GTF2A2: variants seen among roughly 807,000 people sequenced by gnomAD.
GTF2A2 encodes general transcription factor IIA subunit 2, also known as transcription initiation factor IIA subunit 2.
GTF2A2 carries 9 observed loss-of-function variants against 14.3 expected under a neutral mutation model. The ratio of observed to expected loss-of-function variants is 0.63; its 90% CI spans 0.38 to 1.10. The LOEUF is 1.10. GTF2A2 is among the 50% of genes least tolerant of loss of function. The pLI, the probability that GTF2A2 is intolerant of heterozygous loss-of-function variation, is 0.01. For missense variants in GTF2A2, 90 were observed against 124.6 expected (o/e 0.72, Z 1.32); for synonymous variants, 56 against 46.0 (o/e 1.22, Z -0.88).
At chr15:59,646,106 G>A (rs1371942325) in intron 3 of GTF2A2, among the ~76,000 whole-genome samples, 1 of 151,924 alleles carries the variant, frequency 6.6e-6, no homozygotes, top group Admixed American at 6.5e-5. Flanking sequence ...GCCCAGGATG[G>A]AGCACAGTGG....
chr15:59,653,728 T>G (rs778111196), intron 1 of GTF2A2, among the ~76,000 whole-genome samples: 5 of 152,158 alleles, frequency 3.3e-5, no homozygotes, highest in Non-Finnish European at 5.9e-5. Context: ...TATATAAAAC[T>G]GCCTGCTTGA....
chr15:59,655,189 G>A (rs1004570533), intron 1 of GTF2A2, among the ~76,000 whole-genome samples: 10 of 152,006 alleles, frequency 6.6e-5, no homozygotes, highest in African/African-American at 2.4e-4. Context: ...AAACACATAG[G>A]TGGCTACTTC....
chr15:59,656,163 C>T (rs1033679861), intron 1 of GTF2A2, among the ~76,000 whole-genome samples: 1 of 152,162 alleles, frequency 6.6e-6, no homozygotes, highest in East Asian at 1.9e-4. Context: ...TCTTGTCCCT[C>T]CACCCCCAAA....
intron 3 of GTF2A2, among the ~76,000 whole-genome samples, chr15:59,649,443 T>A (rs1254649372): frequency 6.6e-6 from 1 of 152,238 alleles, no homozygotes; most frequent in East Asian, 1.9e-4. Context: ...TTAGGCCTTG[T>A]GAACTATCTT....
intron 4 of GTF2A2, among the ~76,000 whole-genome samples, chr15:59,640,391 C>T (rs969600743): frequency 2.6e-5 from 4 of 152,156 alleles, no homozygotes; most frequent in Non-Finnish European, 5.9e-5. Flanking sequence ...TACTGATTTT[C>T]TGGTTCTCAG....
rs149240959 is a variant in GTF2A2, at chr15:59,650,237, C to T, written c.177+432G>A. 3.1e-3 allele frequency among the ~76,000 whole-genome samples: 476 copies of T among 152,268 alleles called. 3 individuals carry two copies. Among genetic ancestry groups the T allele is most frequent in the Non-Finnish European group, 5.3e-3 (360 of 68,020 alleles). On this transcript the variant is annotated intron_variant, in intron 3 of 4. Coordinates refer to ENST00000396060, the MANE Select transcript of GTF2A2 (RefSeq NM_004492.3). ...GATCAGGTTTTTATCAGCCAAGTTA[C>T]CTAAGAGTCGGAGGGAGGCAACATG...
chr15:59,642,291 T>A, intron 3 of GTF2A2, 29 bp from the exon 4 acceptor site: 2 of 1,557,102 alleles, frequency 1.3e-6, no homozygotes, highest in Non-Finnish European at 1.7e-6. Flanking sequence ...AGAAATACCG[T>A]GAAACGTTTT....
At chr15:59,645,082 A>T (rs1461329701) in intron 3 of GTF2A2, among the ~76,000 whole-genome samples, 1 of 152,182 alleles carries the variant, frequency 6.6e-6, no homozygotes, top group African/African-American at 2.4e-5. Context: ...GACCGGTAGG[A>T]ATGGACAACT....
At chr15:59,639,588 G>A (rs749972645) in intron 4 of GTF2A2, among the ~76,000 whole-genome samples, 13 of 150,348 alleles carry the variant, frequency 8.6e-5, no homozygotes, top group African/African-American at 1.2e-4. Context: ...TCAGCCTCCC[G>A]AGTAGCTGGG....
intron 1 of GTF2A2, chr15:59,656,926 G>C (rs141214352): frequency 6.6e-6 from 1 of 152,106 alleles, no homozygotes; most frequent in Non-Finnish European, 1.5e-5. Flanking sequence ...AGTCAAATTC[G>C]GAAGTAACTC....
At chr15:59,642,398 TC>T in intron 3 of GTF2A2, 136 bp from the exon 4 acceptor site, 1 of 676,982 alleles carries the variant, frequency 1.5e-6, no homozygotes, top group South Asian at 4.9e-5. Context: ...TTAACTTTAA[TC>T]CTAGCTATTA....
At chr15:59,652,119 C>A in intron 2 of GTF2A2, 87 bp downstream of exon 2, 2 of 757,140 alleles carry the variant, frequency 2.6e-6, no homozygotes, top group African/African-American at 1.8e-5. Flanking sequence ...GATATTTTAC[C>A]TCATATCTCT....
intron 3 of GTF2A2, among the ~76,000 whole-genome samples, chr15:59,643,632 C>T (rs1891508237): frequency 7.2e-6 from 1 of 138,088 alleles, no homozygotes; most frequent in Non-Finnish European, 1.5e-5. Flanking sequence ...GAGTCTCACT[C>T]TGTGGCCCAG....
intron 3 of GTF2A2, among the ~76,000 whole-genome samples, chr15:59,643,851 G>C (rs1200348285): frequency 6.6e-6 from 1 of 151,710 alleles, no homozygotes; most frequent in Non-Finnish European, 1.5e-5. Context: ...GCCCACCTTG[G>C]CCTCCCAAAG....
At chr15:59,651,652 T>C (rs1891795940) in intron 2 of GTF2A2, 1 of 152,198 alleles carries the variant, frequency 6.6e-6, no homozygotes, top group South Asian at 2.1e-4. Context: ...AAACCAACAA[T>C]CTCAATTTTT....
At chr15:59,644,162 T>G (rs909389135) in intron 3 of GTF2A2, 3 of 152,282 alleles carry the variant, frequency 2.0e-5, no homozygotes, top group Non-Finnish European at 2.9e-5. Context: ...CCCAAAGTGC[T>G]GGGATTACAT....
chr15:59,647,355 T>TCC (rs1487268894), intron 3 of GTF2A2, among the ~76,000 whole-genome samples: 69 of 152,302 alleles, frequency 4.5e-4, no homozygotes, highest in Non-Finnish European at 6.8e-4. Context: ...CACCTTGGCC[T>TCC]CCCAAGGTGC....
rs772162059 is a variant in GTF2A2, at chr15:59,650,718, G to C, written c.128C>G (p.Ala43Gly). 1.9e-6 allele frequency: 3 copies of C among 1,611,606 alleles called. No individual in the cohort carries two copies. Among genetic ancestry groups the C allele is most frequent in the South Asian group, 2.2e-5 (2 of 91,046 alleles). The change falls in exon 3 of 5, where the codon GCT (alanine) becomes GGT (glycine). Residue 43 changes from alanine to glycine, a missense_variant. Coordinates refer to ENST00000396060, the MANE Select transcript of GTF2A2 (RefSeq NM_004492.3). ...ALQVLLQFDK[A>G]INAALAQRVR... ...CCTCTGAGCCAGTGCTGCATTTATA[G>C]CCTTATCAAACTGAAGTAGAACTTG...
rs1350850533 is a variant in GTF2A2 at position 59,642,173 on chromosome 15, T to TTA, written c.266_267insTA (p.Lys89AsnfsTer6). 1 of 1,609,904 alleles carries TTA rather than the reference T, an allele frequency of 6.2e-7. No homozygotes were observed. Among genetic ancestry groups the TTA allele is most frequent in the African/African-American group, 1.3e-5 (1 of 74,776 alleles). On this transcript the variant is annotated frameshift_variant, in exon 4 of 5. Transcript: ENST00000396060. LOFTEE classifies it high-confidence loss of function. ...AGGCTACAATTTTCACTTTATCCAC[T>TTA]TTAATAAGTTCTGTCACCTCTCTGA...
Sources: allele counts gnomAD v4.1 joint callset (sites outside exome capture counted in the v4.1 genomes callset), GRCh38; gene constraint gnomAD v4.1.1; transcripts MANE v1.5; gene names NCBI Gene and HGNC (gene_info 2026-07-23, HGNC 2026-07-21).